The following PIP4K2A variants were observed in gnomAD, a reference collection of about 807,000 sequenced individuals.
The protein encoded by PIP4K2A is phosphatidylinositol 5-phosphate 4-kinase type-2 alpha.
In PIP4K2A, 14 loss-of-function variants were observed where a neutral mutation model predicts 42.9. The observed-to-expected ratio is 0.33, with a 90% CI of 0.22 to 0.51. The LOEUF is 0.51. Ranked by LOEUF, PIP4K2A falls within the 20% of genes least tolerant of loss-of-function variation. The pLI, the probability that PIP4K2A is intolerant of heterozygous loss-of-function variation, is 0.97. For synonymous variants in PIP4K2A, 192 were observed against 192.2 expected (o/e 1.00, Z 0.01); for missense variants, 434 against 519.8 (o/e 0.83, Z 1.61).
intron 1 of PIP4K2A, among the ~76,000 whole-genome samples, chr10:22,672,130 C>T (rs376499120): frequency 6.6e-5 from 10 of 151,978 alleles, no homozygotes; most frequent in African/African-American, 2.4e-4. Context: ...AGAAAAAGAC[C>T]GATGTACAAT....
At chr10:22,594,490 G>C (rs1386272387) in intron 3 of PIP4K2A, among the ~76,000 whole-genome samples, 1 of 152,178 alleles carries the variant, frequency 6.6e-6, no homozygotes, top group Non-Finnish European at 1.5e-5. Flanking sequence ...TGATCTCCTG[G>C]ACTCAAGTGA....
chr10:22,610,872 C>A (rs1027779494), intron 1 of PIP4K2A, among the ~76,000 whole-genome samples: 3 of 152,122 alleles, frequency 2.0e-5, no homozygotes, highest in African/African-American at 7.2e-5. Context: ...GGAGAGCAAC[C>A]CCTGCCAGGC....
chr10:22,684,874 T>C (rs1271435473), intron 1 of PIP4K2A, among the ~76,000 whole-genome samples: 2 of 152,222 alleles, frequency 1.3e-5, no homozygotes, highest in African/African-American at 4.8e-5. Flanking sequence ...CTTATGGACA[T>C]CTTGTCCACA....
At chr10:22,581,565 T>TAA (rs531477426) in intron 4 of PIP4K2A, among the ~76,000 whole-genome samples, 17,276 of 78,570 alleles carry the variant, frequency 0.22, 1,880 homozygotes, top group Non-Finnish European at 0.3. Flanking sequence ...ATCCTATCTC[T>TAA]AAAAAAAAAA....
intron 7 of PIP4K2A, among the ~76,000 whole-genome samples, chr10:22,546,325 T>C (rs1337201369): frequency 2.6e-5 from 4 of 152,182 alleles, no homozygotes; most frequent in Admixed American, 2.6e-4. Flanking sequence ...AATATCAAGA[T>C]TTCAATTTAA....
At chr10:22,591,584 A>G in intron 4 of PIP4K2A, 45 bp downstream of exon 4, 1 of 1,466,902 alleles carries the variant, frequency 6.8e-7, no homozygotes, top group Non-Finnish European at 9.4e-7. Flanking sequence ...ATCGCTACGC[A>G]TGTTAATCTT....
chr10:22,608,639 A>G (rs897140938), intron 2 of PIP4K2A, among the ~76,000 whole-genome samples: 3 of 152,146 alleles, frequency 2.0e-5, no homozygotes, highest in Non-Finnish European at 4.4e-5. Context: ...TGGGAGACTG[A>G]GGTGGGAGGA....
intron 1 of PIP4K2A, among the ~76,000 whole-genome samples, chr10:22,631,947 G>C (rs1238039680): frequency 6.6e-6 from 1 of 152,136 alleles, no homozygotes; most frequent in Non-Finnish European, 1.5e-5. Context: ...GATGAGATCA[G>C]TGGACATCAC....
chr10:22,694,307 C>G (rs1268481718), intron 1 of PIP4K2A: 1 of 152,162 alleles, frequency 6.6e-6, no homozygotes, highest in Non-Finnish European at 1.5e-5. Flanking sequence ...TTATTTGGGT[C>G]CACAGGTTAG....
At chr10:22,662,040 T>C (rs1397713905) in intron 1 of PIP4K2A, among the ~76,000 whole-genome samples, 2 of 152,206 alleles carry the variant, frequency 1.3e-5, no homozygotes, top group Non-Finnish European at 2.9e-5. Context: ...TAAATCCATC[T>C]CTGAAAAGTT....
rs557116959 is a variant in PIP4K2A at position 22,677,441 on chromosome 10, GA to G, written c.144+36741del. Reference sequence around the variant, plus strand: ...GACCCCAAGAGGGAGTAGGCTGCTGGAACAGGCTCTCAGGCTGCATTTTACA... The same window carrying G: ...GACCCCAAGAGGGAGTAGGCTGCTGGACAGGCTCTCAGGCTGCATTTTACA... On this transcript the variant is annotated intron_variant, in intron 1 of 9. Transcript: ENST00000376573. Among the ~76,000 whole-genome samples the G allele has an allele frequency of 2.6e-4, 39 of 152,302 alleles. No homozygotes were observed. The South Asian group carries it at 3.3e-3, about 13-fold the overall frequency.
chr10:22,671,641 G>A (rs758929958), intron 1 of PIP4K2A, among the ~76,000 whole-genome samples: 51 of 151,976 alleles, frequency 3.4e-4, no homozygotes, highest in Non-Finnish European at 6.5e-4. Context: ...AGATCTAGGG[G>A]GCCCTCTCAA....
intron 1 of PIP4K2A, among the ~76,000 whole-genome samples, chr10:22,703,396 G>A (rs548484867): frequency 6.7e-4 from 102 of 152,226 alleles, no homozygotes; most frequent in South Asian, 2.1e-3. Flanking sequence ...GTAACAGAGC[G>A]AGACCTTGTC....
intron 1 of PIP4K2A, among the ~76,000 whole-genome samples, chr10:22,687,851 G>T (rs766569214): frequency 2.0e-5 from 3 of 151,728 alleles, no homozygotes; most frequent in African/African-American, 4.8e-5. Flanking sequence ...AAGTATTTTC[G>T]ATCTGTGGTT....
At chr10:22,675,454 C>T (rs1213581234) in intron 1 of PIP4K2A, among the ~76,000 whole-genome samples, 1 of 151,916 alleles carries the variant, frequency 6.6e-6, no homozygotes, top group Non-Finnish European at 1.5e-5. Context: ...AACATGGTGT[C>T]GTGTGCCTGT....
chr10:22,616,727 G>C (rs1838185110), intron 1 of PIP4K2A, among the ~76,000 whole-genome samples: 1 of 152,066 alleles, frequency 6.6e-6, no homozygotes, highest in South Asian at 2.1e-4. Flanking sequence ...ACATGTTTAG[G>C]GCAGATGATA....
At chr10:22,569,474 AGG>A (rs1174703559) in intron 5 of PIP4K2A, among the ~76,000 whole-genome samples, 1 of 152,194 alleles carries the variant, frequency 6.6e-6, no homozygotes, top group Non-Finnish European at 1.5e-5. Context: ...TCCTTCCTTT[AGG>A]GATTCCTGAA....
At chr10:22,665,002 A>G (rs1346736932) in intron 1 of PIP4K2A, among the ~76,000 whole-genome samples, 1 of 115,590 alleles carries the variant, frequency 8.7e-6, no homozygotes, top group Non-Finnish European at 1.9e-5. Flanking sequence ...GGAAAAAAAC[A>G]TAACATTATT....
chr10:22,558,124 G>T (rs1836597868), intron 6 of PIP4K2A, among the ~76,000 whole-genome samples: 1 of 152,060 alleles, frequency 6.6e-6, no homozygotes, highest in South Asian at 2.1e-4. Flanking sequence ...CTTTTGATAC[G>T]CTGTCACTGT....
Sources: allele counts gnomAD v4.1 joint callset (sites outside exome capture counted in the v4.1 genomes callset), GRCh38; gene constraint gnomAD v4.1.1; transcripts MANE v1.5; gene names NCBI Gene and HGNC (gene_info 2026-07-23, HGNC 2026-07-21).